ELMO1: variants seen among roughly 807,000 people sequenced by gnomAD.
ELMO1 encodes engulfment and cell motility 1, also known as engulfment and cell motility protein 1.
ELMO1 carries 26 observed loss-of-function variants against 98.9 expected under a neutral mutation model. The ratio of observed to expected loss-of-function variants is 0.26; its 90% CI spans 0.19 to 0.36. ELMO1 has a LOEUF of 0.36. Among genes scored for constraint, ELMO1 ranks in the 10% least tolerant of loss-of-function variants. The pLI is 1.00. For missense variants in ELMO1, 627 were observed against 935.2 expected (o/e 0.67, Z 4.30); for synonymous variants, 346 against 346.0 (o/e 1.00, Z 0.00).
chr7:37,205,174 T>C (rs1792544357), intron 13 of ELMO1, among the ~76,000 whole-genome samples: 1 of 152,244 alleles, frequency 6.6e-6, no homozygotes, highest in Non-Finnish European at 1.5e-5. Flanking sequence ...AGTTTACTGC[T>C]GCCCAAAAGC....
At chr7:37,424,450 C>G (rs1179649906) in intron 1 of ELMO1, among the ~76,000 whole-genome samples, 1 of 152,134 alleles carries the variant, frequency 6.6e-6, no homozygotes, top group Non-Finnish European at 1.5e-5. Flanking sequence ...GGATGGATTG[C>G]CCCATACCTA....
At chr7:37,312,870 C>G (rs1413187557) in intron 4 of ELMO1, among the ~76,000 whole-genome samples, 1 of 152,194 alleles carries the variant, frequency 6.6e-6, no homozygotes, top group African/African-American at 2.4e-5. Flanking sequence ...ACAAATATTT[C>G]ACAAGCAACA....
chr7:37,132,963 C>G, intron 14 of ELMO1, 167 bp downstream of exon 14: 1 of 447,926 alleles, frequency 2.2e-6, no homozygotes, highest in South Asian at 6.1e-5. Context: ...TCATTTCAGT[C>G]CCCTGATTGA....
intron 4 of ELMO1, among the ~76,000 whole-genome samples, chr7:37,301,817 C>T (rs1583497328): frequency 6.6e-6 from 1 of 152,258 alleles, no homozygotes. Context: ...TATTGTTCCC[C>T]CACCCCACGT....
At chr7:36,994,545 C>G (rs977689393) in intron 16 of ELMO1, among the ~76,000 whole-genome samples, 1 of 152,210 alleles carries the variant, frequency 6.6e-6, no homozygotes, top group Admixed American at 6.5e-5. Context: ...TATCCAGCAT[C>G]GTAGGTACAG....
intron 16 of ELMO1, among the ~76,000 whole-genome samples, chr7:36,946,072 G>A (rs143071216): frequency 4.2e-4 from 64 of 152,340 alleles, no homozygotes; most frequent in African/African-American, 1.5e-3. Context: ...CCTGAGCTGG[G>A]AACAGGAACA....
intron 13 of ELMO1, among the ~76,000 whole-genome samples, chr7:37,194,828 T>G (rs932849488): frequency 1.3e-5 from 2 of 152,246 alleles, no homozygotes; most frequent in Non-Finnish European, 2.9e-5. Flanking sequence ...AGAAACACTT[T>G]ATAGTCTATT....
chr7:37,087,845 A>C (rs1783869881), intron 15 of ELMO1, among the ~76,000 whole-genome samples: 1 of 152,244 alleles, frequency 6.6e-6, no homozygotes, highest in African/African-American at 2.4e-5. Context: ...AGAAAAGGGT[A>C]TGTATTAATA....
intron 20 of ELMO1, among the ~76,000 whole-genome samples, chr7:36,863,135 C>A (rs1802760984): frequency 6.6e-6 from 1 of 152,166 alleles, no homozygotes; most frequent in African/African-American, 2.4e-5. Flanking sequence ...CAGCGTCTCA[C>A]ACTCAAAAGG....
chr7:37,233,748 C>T (rs1310370404), intron 7 of ELMO1, among the ~76,000 whole-genome samples: 2 of 152,176 alleles, frequency 1.3e-5, no homozygotes, highest in African/African-American at 4.8e-5. Flanking sequence ...CTATACATCC[C>T]TCTGTGTGGA....
intron 15 of ELMO1, among the ~76,000 whole-genome samples, chr7:37,071,132 A>C (rs1298980233): frequency 6.6e-6 from 1 of 152,226 alleles, no homozygotes; most frequent in Non-Finnish European, 1.5e-5. Context: ...ACATCAAAAA[A>C]GGGTAAGTTT....
intron 16 of ELMO1, among the ~76,000 whole-genome samples, chr7:36,928,128 G>T (rs1368754327): frequency 6.6e-6 from 1 of 152,168 alleles, no homozygotes; most frequent in East Asian, 1.9e-4. Flanking sequence ...TTTGCCACTT[G>T]TTAACCAAGA....
chr7:36,970,913 G>A (rs1789886889), intron 16 of ELMO1, among the ~76,000 whole-genome samples: 1 of 152,208 alleles, frequency 6.6e-6, no homozygotes, highest in South Asian at 2.1e-4. Context: ...AGACATGAGG[G>A]GAGAGGCCAG....
At chr7:37,345,944 A>G (rs1260208532) in intron 1 of ELMO1, among the ~76,000 whole-genome samples, 1 of 150,508 alleles carries the variant, frequency 6.6e-6, no homozygotes, top group Admixed American at 6.6e-5. Flanking sequence ...AGCCGAGATC[A>G]TGCCACTGCA....
At chr7:36,947,844 C>T (rs58958927) in intron 16 of ELMO1, among the ~76,000 whole-genome samples, 17,762 of 152,086 alleles carry the variant, frequency 0.12, 1,337 homozygotes, top group African/African-American at 0.22. Flanking sequence ...CCATCACCTC[C>T]CCACAACCAC....
intron 20 of ELMO1, among the ~76,000 whole-genome samples, chr7:36,864,990 C>T (rs1177950401): frequency 1.3e-5 from 2 of 152,154 alleles, no homozygotes; most frequent in Non-Finnish European, 2.9e-5. Context: ...AACACTCTGG[C>T]CCTGGGACAG....
intron 13 of ELMO1, among the ~76,000 whole-genome samples, chr7:37,157,645 A>C (rs1016695604): frequency 3.9e-5 from 6 of 152,342 alleles, no homozygotes; most frequent in African/African-American, 1.4e-4. Flanking sequence ...ACTACTGCTC[A>C]ACAAAATAAA....
At chr7:37,210,429 A>C (rs1475470622) in intron 13 of ELMO1, among the ~76,000 whole-genome samples, 2 of 151,898 alleles carry the variant, frequency 1.3e-5, no homozygotes, top group African/African-American at 4.8e-5. Context: ...CTCAAATAAC[A>C]CATAAAGCAT....
chr7:37,045,628 G>A (rs537820221), intron 15 of ELMO1, among the ~76,000 whole-genome samples: 1 of 152,158 alleles, frequency 6.6e-6, no homozygotes, highest in South Asian at 2.1e-4. Context: ...ATTTGAACTT[G>A]GGAGGAAGAA....
Sources: gnomAD v4.1 joint callset for allele counts (sites outside exome capture counted in the v4.1 genomes callset) on GRCh38, gnomAD v4.1.1 for gene constraint, MANE v1.5 for transcripts, NCBI Gene and HGNC (gene_info 2026-07-23, HGNC 2026-07-21) for gene names.